PTCH2: variants seen among roughly 807,000 people sequenced by gnomAD.
The protein encoded by PTCH2 is protein patched homolog 2.
Under a neutral mutation model 117.9 loss-of-function variants are expected in PTCH2, and 96 were observed. The observed-to-expected ratio is 0.81, with a 90% CI of 0.69 to 0.96. The LOEUF is 0.96. PTCH2 is among the 50% of genes least tolerant of loss of function. PTCH2 has a pLI of 0.00. For missense variants in PTCH2, 1,379 were observed against 1,562.5 expected, an observed-to-expected ratio of 0.88 and a Z score of 1.98; for synonymous variants, 615 against 660.9, an observed-to-expected ratio of 0.93 and a Z score of 1.06.
chr1:44,835,352 C>T (rs1336279295), intron 2 of PTCH2, among the ~76,000 whole-genome samples: 4 of 152,138 alleles, frequency 2.6e-5, no homozygotes, highest in Admixed American at 1.3e-4. Flanking sequence ...TCACTGTGCT[C>T]GGCCAAACTT....
chr1:44,838,705 C>T (rs546887931), intron 2 of PTCH2, among the ~76,000 whole-genome samples: 61 of 152,072 alleles, frequency 4.0e-4, no homozygotes, highest in African/African-American at 1.1e-3. Flanking sequence ...GTTTCTTCCT[C>T]GGCTTAATCT....
In PTCH2 at chr1:44,831,644, C is replaced by G; in HGVS notation, c.617+62G>C. On this transcript the variant is annotated intron_variant, in intron 5 of 21. Transcript: ENST00000372192. The surrounding 1 kb of genome is among the most constrained non-coding windows in gnomAD (Gnocchi z 4.3). Reference sequence around the variant, plus strand: ...TTGATCATCCTCATTCCCCAGACCCCTCCTTTCTGCTGGGAGAGTCCCCAG... The same window carrying G: ...TTGATCATCCTCATTCCCCAGACCCGTCCTTTCTGCTGGGAGAGTCCCCAG... 6.9e-7 allele frequency: 1 copy of G among 1,458,296 alleles called. No individual in the cohort carries two copies. The highest frequency in any genetic ancestry group is 2.5e-5 in the East Asian group (1 of 40,436). The allele number at this position is 1,458,296 out of a possible 1,614,324, so 90.3% of individuals were successfully genotyped here. A position where few individuals can be genotyped will look rare whatever the true frequency, so the allele number is the denominator to read the frequency against.
intron 2 of PTCH2, among the ~76,000 whole-genome samples, chr1:44,840,932 C>T (rs189600411): frequency 3.9e-4 from 59 of 150,714 alleles, no homozygotes; most frequent in Non-Finnish European, 7.7e-4. Flanking sequence ...GGTGTGGTGG[C>T]GCACGCCTGT....
At chr1:44,830,746 G>A (rs914260681) in intron 6 of PTCH2, 102 bp downstream of exon 6, 3 of 1,203,108 alleles carry the variant, frequency 2.5e-6, no homozygotes, top group East Asian at 2.6e-5. Flanking sequence ...AGGAAGTGGG[G>A]GGTCAGGGCA....
downstream of PTCH2, chr1:44,821,650 G>C (rs1652917924): frequency 1.4e-5 from 7 of 514,850 alleles, no homozygotes; most frequent in Non-Finnish European, 1.7e-5. Context: ...GAATATGGTG[G>C]CTCTGAAAGC....
chr1:44,829,620 A>C lies in PTCH2; in HGVS notation c.1077T>G (p.Phe359Leu), dbSNP rs758551740. The C allele has an allele frequency of 6.8e-6, 11 of 1,614,218 alleles. No individual in the cohort carries two copies. Among genetic ancestry groups the C allele is most frequent in the Non-Finnish European group, 9.3e-6 (11 of 1,180,038 alleles). The change falls in exon 8 of 22, where the codon TTT becomes TTG. Residue 359 changes from phenylalanine (F) to leucine (L), a missense_variant. Transcript: ENST00000372192. ...TGTCCTTGTCCATACCGACCTGCAC[A>C]AAGCGCCGCTGCCAGGCTTGTAGCA... is the stretch of plus-strand genomic sequence containing the variant. ...STVLQAWQRR[F>L]VQLAQEALPE...
Position 44,825,769 on chromosome 1 carries a change from C to T in PTCH2, c.3114+481G>A, listed in dbSNP as rs143654626. ...CTTGAACTCCTGACTTCAGGGGATC[C>T]GCCTGCCTTGGCCTCCCAAAATGCC... On this transcript the variant is annotated intron_variant, in intron 19 of 21. Coordinates refer to ENST00000372192, the MANE Select transcript of PTCH2 (RefSeq NM_003738.5). Among the ~76,000 whole-genome samples the T allele has an allele frequency of 1.1e-3, 170 of 151,720 alleles. 3 individuals carry two copies. The East Asian group carries it at 0.027, about 25-fold the overall frequency.
intron 2 of PTCH2, among the ~76,000 whole-genome samples, chr1:44,840,322 T>G (rs923061446): frequency 1.3e-5 from 2 of 150,728 alleles, no homozygotes; most frequent in African/African-American, 4.9e-5. Context: ...AGGTTGGTCT[T>G]GAACTCCTGA....
intron 6 of PTCH2, 24 bp from the exon 7 acceptor site, chr1:44,830,054 A>G: frequency 6.2e-7 from 1 of 1,613,452 alleles, no homozygotes; most frequent in Non-Finnish European, 8.5e-7. Flanking sequence ...GGAGGGGTTA[A>G]TGCTCAAGGC....
In PTCH2 at chr1:44,831,080, C is replaced by T. The variant is rs2295998; in HGVS notation, c.618-37G>A. 0.18 allele frequency: 293,143 copies of T among 1,588,762 alleles called. 27,400 individuals are homozygous for T. Among genetic ancestry groups the T allele is most frequent in the East Asian group, 0.26 (11,353 of 44,124 alleles). On this transcript the variant is annotated intron_variant, in intron 5 of 21. Coordinates refer to ENST00000372192, the MANE Select transcript of PTCH2 (RefSeq NM_003738.5). This position sits in a 1 kb window ranked among gnomAD's most constrained non-coding sequence, Gnocchi z 4.3. ...GCCTATAGTTGGTGAGGGTCAGGGA[C>T]GAAAACCCAGGCTCCAAACTGCTGC...
chr1:44,823,065 T>A lies in PTCH2; in HGVS notation c.3357+4A>T, dbSNP rs2148871623. On this transcript the variant is annotated splice_donor_region_variant and intron_variant, in intron 21 of 21. Transcript: ENST00000372192. The surrounding 1 kb of genome is among the most constrained non-coding windows in gnomAD (Gnocchi z 5.1). ...TAGAGGGATGGTGCCGAGGGTGTGGTCACCTCTGGCGGCGGGCCCAGGATG... is the reference window on the plus strand; with the variant it reads ...TAGAGGGATGGTGCCGAGGGTGTGGACACCTCTGGCGGCGGGCCCAGGATG... The A allele has an allele frequency of 6.2e-7, 1 of 1,612,340 alleles. No homozygotes were observed. The highest frequency in any genetic ancestry group is 8.5e-7 in the Non-Finnish European group (1 of 1,179,462).
rs776304186 is a variant in PTCH2 at position 44,827,986 on chromosome 1, C to CA, written c.1914dup (p.Gly639TrpfsTer48). 4 of 1,614,214 alleles carry CA rather than the reference C, an allele frequency of 2.5e-6. No homozygotes were observed. The highest frequency in any genetic ancestry group is 3.4e-6 in the Non-Finnish European group (4 of 1,180,044). On this transcript the variant is annotated frameshift_variant, in exon 14 of 22. Transcript: ENST00000372192. LOFTEE classifies it high-confidence loss of function. ...CCTAGAAGGTCCCGTGTGGACCCTC[C>CA]AGGGCTGAAGAGCTCAGAGCCCAGT...
rs779782928 is a variant in PTCH2, at chr1:44,828,509, T to G, written c.1587A>C (p.Leu529=). Residue 529 remains leucine (L), a synonymous_variant, in exon 12 of 22, where the codon CTA becomes CTC. Coordinates refer to ENST00000372192, the MANE Select transcript of PTCH2 (RefSeq NM_003738.5). ...VPIPALRAFS[L]QAAIVVGCTF... The stretch of plus-strand genomic sequence containing the variant: ...TGCCCCGTGTGAGAGGCCTCACCTG[T>G]AGGGAGAAGGCTCGCAGCGCAGGGA... The G allele has an allele frequency of 1.9e-6, 3 of 1,614,058 alleles. No homozygotes were observed. In the East Asian group the frequency reaches 6.7e-5, roughly 36 times the overall value.
At position 44,826,787 on chromosome 1, in the gene PTCH2, G is replaced by T. The variant is rs758941624; in HGVS notation, c.2696-19C>A. On this transcript the variant is annotated intron_variant, in intron 17 of 21. Coordinates refer to ENST00000372192, the MANE Select transcript of PTCH2 (RefSeq NM_003738.5). This position sits in a 1 kb window ranked among gnomAD's most constrained non-coding sequence, Gnocchi z 5.1. ...GGCGGGACTGTGGAGGGGAGGGGAA[G>T]GGAGAAGAGGGAGAGGGACAGGGCG... The T allele has an allele frequency of 6.2e-7, 1 of 1,600,700 alleles. No individual in the cohort carries two copies. Among genetic ancestry groups the T allele is most frequent in the South Asian group, 1.1e-5 (1 of 89,988 alleles).
At chr1:44,840,351 C>G (rs80251042) in intron 2 of PTCH2, among the ~76,000 whole-genome samples, 1 of 148,526 alleles carries the variant, frequency 6.7e-6, no homozygotes, top group African/African-American at 2.5e-5. Context: ...CCGCCCGCCC[C>G]GGCCTCCCAA....
chr1:44,823,019 C>T lies in PTCH2; in HGVS notation c.3357+50G>A, dbSNP rs1339973125. ...CTGTCCCTTCCCTTGCCTCTCCCTA[C>T]CCCGTCCCTTGGGCTGGGAGTAGAG... On this transcript the variant is annotated intron_variant, in intron 21 of 21. Coordinates refer to ENST00000372192, the MANE Select transcript of PTCH2 (RefSeq NM_003738.5). The surrounding 1 kb of genome is among the most constrained non-coding windows in gnomAD (Gnocchi z 5.1). 1.3e-6 allele frequency: 2 copies of T among 1,574,558 alleles called. No individual in the cohort carries two copies. Among genetic ancestry groups the T allele is most frequent in the Non-Finnish European group, 8.7e-7 (1 of 1,155,158 alleles).
chr1:44,830,969 A>G lies in PTCH2; in HGVS notation c.692T>C (p.Leu231Pro). The change falls in exon 6 of 22, where the codon CTT (leucine) becomes CCT (proline). Residue 231 changes from leucine (L) to proline (P), a missense_variant. Leu to Pro is a moderately conservative substitution (Grantham distance 98, BLOSUM62 -3). Transcript: ENST00000372192. ...LLEELGPFAS[L>P]EGFRELLDKA... ...GTCTAGCAGCTCCCGGAAGCCCTCAAGGGAGGCAAAGGGACCCAGCTCCTC... is the reference window on the plus strand; with the variant it reads ...GTCTAGCAGCTCCCGGAAGCCCTCAGGGGAGGCAAAGGGACCCAGCTCCTC... 1.2e-6 allele frequency: 2 copies of G among 1,612,266 alleles called. No individual in the cohort carries two copies. The highest frequency in any genetic ancestry group is 8.5e-7 in the Non-Finnish European group (1 of 1,179,082).
Position 44,827,032 on chromosome 1 carries a change from G to T in PTCH2, c.2565C>A (p.Leu855=). ...CCCACACGGTCAGCCCCATGTAGAA[G>T]AGCTCGGGTGGAATCAGTCCCTCTC... The part of the protein sequence containing the change: ...VDREGLIPPE[L]FYMGLTVWVS... Residue 855 remains leucine, a synonymous_variant, in exon 17 of 22, where the codon CTC becomes CTA. Coordinates refer to ENST00000372192, the MANE Select transcript of PTCH2 (RefSeq NM_003738.5). The T allele has an allele frequency of 6.2e-7, 1 of 1,614,126 alleles. No homozygotes were observed. The highest frequency in any genetic ancestry group is 8.5e-7 in the Non-Finnish European group (1 of 1,180,022).
In PTCH2 at chr1:44,829,505, G is replaced by C. The variant is rs373859654; in HGVS notation, c.1112C>G (p.Ala371Gly). 210 of 1,614,092 alleles carry C rather than the reference G, an allele frequency of 1.3e-4. No homozygotes were observed. The highest frequency in any genetic ancestry group is 1.7e-4 in the Non-Finnish European group (197 of 1,180,040). The change falls in exon 9 of 22, where the codon GCT (alanine) becomes GGT (glycine). Residue 371 changes from alanine to glycine, a missense_variant. Transcript: ENST00000372192. ...GGAGAAGGCATGGATCTGCTGGGAA[G>C]CGTTCTCAGGCAGGGCCTCCTGGGC... ...QLAQEALPEN[A>G]SQQIHAFSST...
Sources: gnomAD v4.1 joint callset for allele counts (sites outside exome capture counted in the v4.1 genomes callset) on GRCh38, gnomAD v4.1.1 for gene constraint, Gnocchi (gnomAD v3.1) non-coding constraint, MANE v1.5 for transcripts, NCBI Gene and HGNC (gene_info 2026-07-23, HGNC 2026-07-21) for gene names.